GATB: variants seen among roughly 807,000 people sequenced by gnomAD.
GATB encodes glutamyl-tRNA amidotransferase subunit B, also known as glutamyl-tRNA(Gln) amidotransferase subunit B, mitochondrial.
GATB carries 39 observed loss-of-function variants against 62.3 expected under a neutral mutation model. That is an observed-to-expected ratio of 0.63 (90% CI 0.48 to 0.82). GATB has a LOEUF of 0.82. GATB is among the 40% of genes least tolerant of loss of function. The pLI is 0.00. For synonymous variants in GATB, 276 were observed against 258.9 expected, an observed-to-expected ratio of 1.07 and a Z score of -0.63; for missense variants, 670 against 684.0, an observed-to-expected ratio of 0.98 and a Z score of 0.23.
intron 5 of GATB, among the ~76,000 whole-genome samples, chr4:151,713,222 T>A (rs1026178861): frequency 6.6e-6 from 1 of 152,096 alleles, no homozygotes; most frequent in Non-Finnish European, 1.5e-5. Context: ...TACATTACAG[T>A]GAGTTGTATA....
intron 9 of GATB, among the ~76,000 whole-genome samples, chr4:151,696,597 C>T (rs750800744): frequency 6.6e-6 from 1 of 152,192 alleles, no homozygotes; most frequent in Non-Finnish European, 1.5e-5. Flanking sequence ...AAAGAGGTTA[C>T]ATTTCCCTAC....
intron 9 of GATB, among the ~76,000 whole-genome samples, chr4:151,697,994 T>TATATATATATA (rs1738522869): frequency 7.2e-6 from 1 of 138,418 alleles, no homozygotes; most frequent in Non-Finnish European, 1.5e-5. Flanking sequence ...TATATATATA[T>TATATATATATA]GAAATGAAGG....
chr4:151,753,170 CT>C (rs1739752591), intron 2 of GATB, among the ~76,000 whole-genome samples: 1 of 152,156 alleles, frequency 6.6e-6, no homozygotes, highest in Admixed American at 6.5e-5. Context: ...GACTGGTGGC[CT>C]CAGGGAAAGT....
chr4:151,735,828 A>G (rs1445096399), intron 2 of GATB, among the ~76,000 whole-genome samples: 3 of 150,636 alleles, frequency 2.0e-5, no homozygotes, highest in Non-Finnish European at 2.9e-5. Context: ...GGGACTGGAG[A>G]CTAAGGCGTA....
At position 151,758,786 on chromosome 4, in the gene GATB, G is replaced by A. The variant is rs1457567532; in HGVS notation, c.313C>T (p.Pro105Ser). The stretch of plus-strand genomic sequence containing the variant: ...AAGAATCTTACCGGCAAAGTTCCAG[G>A]TAGAGATGCATCAAAAAAAGAAACC... ...SLVSFFDASLPGTLPVLNRRC... is the reference protein window; with the variant it reads ...SLVSFFDASLSGTLPVLNRRC... Residue 105 changes from proline to serine, a missense_variant, in exon 2 of 13, where the codon CCT becomes TCT. Coordinates refer to ENST00000263985, the MANE Select transcript of GATB (RefSeq NM_004564.3). 6.2e-7 allele frequency: 1 copy of A among 1,600,314 alleles called. No homozygotes were observed. Among genetic ancestry groups the A allele is most frequent in the East Asian group, 2.2e-5 (1 of 44,482 alleles).
At position 151,759,294 on chromosome 4, in the gene GATB, T is replaced by C. The variant is rs568660062; in HGVS notation, c.177-372A>G. 1.7e-4 allele frequency among the ~76,000 whole-genome samples: 26 copies of C among 152,308 alleles called. No individual in the cohort carries two copies. In the South Asian group the frequency reaches 5.0e-3, roughly 29 times the overall value. ...CATTTAACAAATTAACTGTAACTTA[T>C]CAAGTAATCACTCAGTAAATGATGA... On this transcript the variant is annotated intron_variant, in intron 1 of 12. Transcript: ENST00000263985.
chr4:151,718,915 T>A (rs1178277433), intron 3 of GATB, among the ~76,000 whole-genome samples: 1 of 152,248 alleles, frequency 6.6e-6, no homozygotes, highest in Non-Finnish European at 1.5e-5. Context: ...TTACTGTTCT[T>A]GGTCCAGATT....
chr4:151,674,934 T>A (rs1737964357), intron 11 of GATB: 1 of 152,272 alleles, frequency 6.6e-6, no homozygotes, highest in African/African-American at 2.4e-5. Flanking sequence ...TGGGTCTGCG[T>A]CTGCAGACAC....
At chr4:151,718,007 A>T (rs970913632) in intron 3 of GATB, among the ~76,000 whole-genome samples, 1 of 152,166 alleles carries the variant, frequency 6.6e-6, no homozygotes, top group Non-Finnish European at 1.5e-5. Flanking sequence ...AGGCTCCAAA[A>T]TCCGTGTCTT....
intron 3 of GATB, among the ~76,000 whole-genome samples, chr4:151,719,081 G>T (rs765123059): frequency 2.0e-5 from 3 of 152,244 alleles, no homozygotes; most frequent in Non-Finnish European, 4.4e-5. Flanking sequence ...ATTTACTGTT[G>T]CATCAGCCAG....
intron 11 of GATB, 154 bp from the exon 12 acceptor site, chr4:151,673,050 T>C (rs1354712287): frequency 2.3e-6 from 2 of 887,564 alleles, no homozygotes; most frequent in Non-Finnish European, 3.3e-6. Context: ...AAAGGGCACC[T>C]GGCTGCCCTG....
intron 2 of GATB, among the ~76,000 whole-genome samples, chr4:151,748,084 C>T (rs1739638484): frequency 6.6e-6 from 1 of 152,228 alleles, no homozygotes; most frequent in Non-Finnish European, 1.5e-5. Flanking sequence ...AATGGCCATA[C>T]TGCCCAAGGT....
chr4:151,700,908 C>T (rs1288755020), intron 9 of GATB, among the ~76,000 whole-genome samples: 3 of 152,188 alleles, frequency 2.0e-5, no homozygotes, highest in African/African-American at 7.2e-5. Context: ...AAACAACTGG[C>T]TGGCTTTTGA....
chr4:151,747,973 T>C (rs1007341833), intron 2 of GATB, among the ~76,000 whole-genome samples: 1 of 152,286 alleles, frequency 6.6e-6, no homozygotes, highest in Non-Finnish European at 1.5e-5. Context: ...GAAGGACCTC[T>C]TCAAGGAGAA....
chr4:151,708,126 C>T, intron 5 of GATB, 25 bp from the exon 6 acceptor site: 2 of 1,489,700 alleles, frequency 1.3e-6, no homozygotes, highest in Non-Finnish European at 1.9e-6. Context: ...GAAAACAACT[C>T]CTTAGAAATT....
intron 2 of GATB, among the ~76,000 whole-genome samples, chr4:151,755,330 CATA>C (rs1739806078): frequency 6.6e-6 from 1 of 152,126 alleles, no homozygotes; most frequent in Non-Finnish European, 1.5e-5. Flanking sequence ...TCAGTGGCTT[CATA>C]ATGTTGTACT....
At chr4:151,750,994 G>GA (rs1008439933) in intron 2 of GATB, among the ~76,000 whole-genome samples, 1 of 152,034 alleles carries the variant, frequency 6.6e-6, no homozygotes, top group Non-Finnish European at 1.5e-5. Context: ...CCTGCCATGA[G>GA]AAGTTGGGTA....
At chr4:151,759,266 C>T (rs779294387) in intron 1 of GATB, among the ~76,000 whole-genome samples, 4 of 152,070 alleles carry the variant, frequency 2.6e-5, no homozygotes, top group South Asian at 2.1e-4. Context: ...CAGTGAAAAG[C>T]GGCATTTAAC....
At chr4:151,715,918 T>C in intron 5 of GATB, 91 bp downstream of exon 5, 1 of 1,431,326 alleles carries the variant, frequency 7.0e-7, no homozygotes, top group Non-Finnish European at 9.4e-7. Flanking sequence ...ACAACCTCAA[T>C]ATAATAGACA....
Sources: gnomAD v4.1 joint callset for allele counts (sites outside exome capture counted in the v4.1 genomes callset) on GRCh38, gnomAD v4.1.1 for gene constraint, MANE v1.5 for transcripts, NCBI Gene and HGNC (gene_info 2026-07-23, HGNC 2026-07-21) for gene names.